RBFOX1: variants seen among roughly 807,000 people sequenced by gnomAD.
RBFOX1 encodes the protein RNA binding fox-1 homolog 1, also known as RNA binding protein fox-1 homolog 1.
A neutral mutation model predicts 57.7 loss-of-function variants in RBFOX1; 8 were observed. The ratio of observed to expected loss-of-function variants is 0.14; its 90% confidence interval spans 0.08 to 0.25. The LOEUF (loss-of-function observed/expected upper bound fraction) is 0.25, where lower values mean the gene tolerates loss of function less well. Ranked by LOEUF, RBFOX1 falls within the 10% of genes least tolerant of loss-of-function variation. The probability of loss-of-function intolerance (pLI) is 1.00; values close to 1 mark genes in which losing one functional copy is unlikely to be tolerated. For synonymous variants in RBFOX1, 326 were observed against 222.4 expected (o/e 1.47, Z -4.15); for missense variants, 611 against 548.5 (o/e 1.11, Z -1.14).
intron 4 of RBFOX1, among the ~76,000 whole-genome samples, chr16:7,249,133 G>A (rs1028512380): frequency 6.6e-6 from 1 of 152,190 alleles, no homozygotes; most frequent in African/African-American, 2.4e-5. Context: ...AGGAATCAAT[G>A]CTGAAAGGAA....
intron 5 of RBFOX1, among the ~76,000 whole-genome samples, chr16:7,569,602 G>GTATCCTATTCAAGATTCCAGGTAT (rs2092558839): frequency 6.6e-6 from 1 of 152,170 alleles, no homozygotes; most frequent in Admixed American, 6.5e-5. Context: ...GCCATGTAAA[G>GTATCCTATTCAAGATTCCAGGTAT]TATCCTATTC....
chr16:7,393,820 T>C (rs1349971067), intron 4 of RBFOX1, among the ~76,000 whole-genome samples: 9 of 152,150 alleles, frequency 5.9e-5, no homozygotes, highest in Admixed American at 2.0e-4. Flanking sequence ...AGGTGAATCA[T>C]GCCAGCCAAG....
intron 1 of RBFOX1, among the ~76,000 whole-genome samples, chr16:6,062,117 T>C (rs2095694519): frequency 1.3e-5 from 2 of 152,184 alleles, no homozygotes; most frequent in African/African-American, 4.8e-5. Context: ...TGCATGGGGC[T>C]GAGCATGTGG....
intron 1 of RBFOX1, among the ~76,000 whole-genome samples, chr16:6,202,025 A>T (rs1309495736): frequency 6.6e-6 from 1 of 152,110 alleles, no homozygotes; most frequent in African/African-American, 2.4e-5. Flanking sequence ...TCTACCTTGA[A>T]TGCAAACCAG....
rs1390837511 is a variant in RBFOX1 at position 7,274,272 on chromosome 16, T to G, written c.27+222174T>G. ...TGTTAGGAACTGCTTGCATTGTCAT[T>G]TAATCGTCACAACAGCCTCATAAAG... On this transcript the variant is annotated intron_variant, in intron 4 of 15. Coordinates refer to ENST00000550418, the MANE Select transcript of RBFOX1 (RefSeq NM_018723.4). Among the ~76,000 whole-genome samples, 3 of 152,204 alleles carry G rather than the reference T, an allele frequency of 2.0e-5. No individual in the cohort carries two copies. In the East Asian group the frequency reaches 5.8e-4, roughly 29 times the overall value.
chr16:5,463,714 C>T (rs747793687), intron 1 of RBFOX1, among the ~76,000 whole-genome samples: 5 of 151,286 alleles, frequency 3.3e-5, no homozygotes, highest in Non-Finnish European at 7.4e-5. Flanking sequence ...GCAGGAGAAT[C>T]GCTTGAACCC....
In RBFOX1 at chr16:6,899,506, T is replaced by C. The variant is rs2067920091; in HGVS notation, c.-15-152551T>C. On this transcript the variant is annotated intron_variant, in intron 3 of 15. Coordinates refer to ENST00000550418, the MANE Select transcript of RBFOX1 (RefSeq NM_018723.4). ...GAGTCATCTGCTTACTATACCATCT[T>C]GAGTGGAAAGGAATGAGTTTATATT... 2.0e-5 allele frequency among the ~76,000 whole-genome samples: 3 copies of C among 152,200 alleles called. No homozygotes were observed. The South Asian group carries it at 6.2e-4, about 32-fold the overall frequency.
rs183582770 is a variant in RBFOX1 at position 6,822,357 on chromosome 16, T to C, written c.-16+167707T>C. Among the ~76,000 whole-genome samples, 323 of 152,210 alleles carry C rather than the reference T, an allele frequency of 2.1e-3. 1 individual carries two copies. The highest frequency in any genetic ancestry group is 3.0e-3 in the Non-Finnish European group (206 of 68,030). ...TGACTCTCAGCCATTCTGTGGTCTG[T>C]TACTGTCACTTGCAAGAATTTGGCT... On this transcript the variant is annotated intron_variant, in intron 3 of 15. Transcript: ENST00000550418.
intron 2 of RBFOX1, among the ~76,000 whole-genome samples, chr16:6,476,758 T>A (rs2095279191): frequency 6.6e-6 from 1 of 152,196 alleles, no homozygotes; most frequent in African/African-American, 2.4e-5. Context: ...CTTCCTTTCA[T>A]GAAATACTTC....
chr16:6,638,009 A>G (rs1040129011), intron 2 of RBFOX1, among the ~76,000 whole-genome samples: 2 of 152,134 alleles, frequency 1.3e-5, no homozygotes, highest in African/African-American at 2.4e-5. Context: ...CATTCCCAGG[A>G]TGACATGTTT....
intron 3 of RBFOX1, among the ~76,000 whole-genome samples, chr16:6,940,851 CTGTGTGTGTGTGTGTGTG>C (rs1009221597): frequency 7.9e-6 from 1 of 126,894 alleles, no homozygotes; most frequent in Non-Finnish European, 1.7e-5. Flanking sequence ...TCCGGCTAGT[CTGTGTGTGTGTGTGTGTG>C]TGTGTGTGTG....
intron 1 of RBFOX1, among the ~76,000 whole-genome samples, chr16:6,299,857 C>A (rs940374016): frequency 4.6e-5 from 7 of 152,176 alleles, no homozygotes; most frequent in African/African-American, 1.7e-4. Context: ...AAAACACCAA[C>A]CTCAGATGGC....
At chr16:7,543,487 G>A (rs2083510050) in intron 5 of RBFOX1, among the ~76,000 whole-genome samples, 1 of 152,140 alleles carries the variant, frequency 6.6e-6, no homozygotes, top group Non-Finnish European at 1.5e-5. Context: ...CCTGGATAAA[G>A]GTGACTTTCC....
intron 10 of RBFOX1, among the ~76,000 whole-genome samples, chr16:7,627,169 A>G (rs1206078010): frequency 2.7e-5 from 4 of 146,240 alleles, no homozygotes; most frequent in African/African-American, 1.1e-4. Context: ...GAACTTGGCA[A>G]CATTCAATTC....
intron 4 of RBFOX1, among the ~76,000 whole-genome samples, chr16:7,258,968 A>G (rs1267076680): frequency 6.6e-6 from 1 of 152,204 alleles, no homozygotes; most frequent in African/African-American, 2.4e-5. Context: ...CACCTATGAC[A>G]TATTGCATAC....
In RBFOX1 at chr16:7,563,912, C is replaced by T. The variant is rs185879217; in HGVS notation, c.271-15865C>T. On this transcript the variant is annotated intron_variant, in intron 5 of 15. Coordinates refer to ENST00000550418, the MANE Select transcript of RBFOX1 (RefSeq NM_018723.4). ...CCTCCAACCCTGCCCACTGTACCAC[C>T]GGGGCCTGATGTATAGTAGGTGCTC... Among the ~76,000 whole-genome samples the T allele has an allele frequency of 2.1e-3, 314 of 152,272 alleles. 5 individuals are homozygous for T. Among genetic ancestry groups the T allele is most frequent in the East Asian group, 1.5e-3 (8 of 5,174 alleles).
At chr16:5,390,854 C>T (rs1175486473) in intron 1 of RBFOX1, among the ~76,000 whole-genome samples, 1 of 152,180 alleles carries the variant, frequency 6.6e-6, no homozygotes, top group African/African-American at 2.4e-5. Context: ...TGGCAGCCAT[C>T]TTGTCACCAT....
At chr16:7,020,064 C>A (rs1050720973) in intron 3 of RBFOX1, among the ~76,000 whole-genome samples, 1 of 151,328 alleles carries the variant, frequency 6.6e-6, no homozygotes, top group South Asian at 2.1e-4. Flanking sequence ...GTGAACCTTT[C>A]ATGTCTTCCT....
At chr16:7,101,139 G>A (rs573776397) in intron 4 of RBFOX1, among the ~76,000 whole-genome samples, 228 of 152,256 alleles carry the variant, frequency 1.5e-3, no homozygotes, top group African/African-American at 5.1e-3. Context: ...GATGCCTGCC[G>A]TTGGTTGCTG....
Sources: gnomAD v4.1 joint callset for allele counts (sites outside exome capture counted in the v4.1 genomes callset) on GRCh38, gnomAD v4.1.1 for gene constraint, MANE v1.5 for transcripts, NCBI Gene and HGNC (gene_info 2026-07-23, HGNC 2026-07-21) for gene names.